EYS: variants seen among roughly 807,000 people sequenced by gnomAD.
EYS encodes EGF-like photoreceptor maintenance factor, also known as protein eyes shut homolog.
In EYS, 250 loss-of-function variants were observed where a neutral mutation model predicts 282.1. The ratio of observed to expected loss-of-function variants is 0.89; its 90% CI spans 0.80 to 0.98. The LOEUF (loss-of-function observed/expected upper bound fraction) is 0.98, where lower values mean the gene tolerates loss of function less well. Among genes scored for constraint, EYS ranks in the 50% least tolerant of loss-of-function variants. The pLI is 0.00. For missense variants in EYS, 4,016 were observed against 3,709.0 expected, an observed-to-expected ratio of 1.08 and a Z score of -2.15; for synonymous variants, 1,355 against 1,282.9, an observed-to-expected ratio of 1.06 and a Z score of -1.20.
chr6:64,602,244 G>T (rs1210152623), intron 24 of EYS, among the ~76,000 whole-genome samples: 3 of 151,970 alleles, frequency 2.0e-5, no homozygotes, highest in African/African-American at 7.2e-5. Context: ...ATTAGTGTTT[G>T]TTGAATGAAT....
intron 26 of EYS, among the ~76,000 whole-genome samples, chr6:64,453,054 C>T (rs1019503726): frequency 2.0e-5 from 3 of 152,106 alleles, no homozygotes; most frequent in African/African-American, 4.8e-5. Context: ...AAAGAAACCA[C>T]CATCAGAGTG....
At chr6:64,245,680 C>G (rs2150345659) in intron 30 of EYS, among the ~76,000 whole-genome samples, 1 of 152,186 alleles carries the variant, frequency 6.6e-6, no homozygotes, top group South Asian at 2.1e-4. Context: ...AATGCTTTAT[C>G]ATTTTTCACT....
At chr6:65,370,579 A>G (rs370825234) in intron 8 of EYS, among the ~76,000 whole-genome samples, 2 of 151,778 alleles carry the variant, frequency 1.3e-5, no homozygotes, top group East Asian at 3.9e-4. Context: ...ATATTTTTTG[A>G]CATAAAACCA....
intron 2 of EYS, among the ~76,000 whole-genome samples, chr6:65,507,677 T>C (rs1766706829): frequency 6.6e-6 from 1 of 152,172 alleles, no homozygotes; most frequent in Admixed American, 6.6e-5. Flanking sequence ...TGATATATTT[T>C]CAAGCCCACT....
In EYS at chr6:65,527,362, C is replaced by T. The variant is rs575974580; in HGVS notation, c.-332-31369G>A. 7.9e-5 allele frequency among the ~76,000 whole-genome samples: 12 copies of T among 152,274 alleles called. 1 individual carries two copies. The highest frequency in any genetic ancestry group is 2.9e-4 in the African/African-American group (12 of 41,550). On this transcript the variant is annotated intron_variant, in intron 2 of 42. Coordinates refer to ENST00000503581, the MANE Select transcript of EYS (RefSeq NM_001142800.2). ...ACGTATGGGTTGGTTTATGGTAGCA[C>T]TATTGAAAACTGCACATCTTCTTCA...
intron 19 of EYS, among the ~76,000 whole-genome samples, chr6:64,832,689 T>TGG (rs1765260598): frequency 6.6e-6 from 1 of 151,918 alleles, no homozygotes; most frequent in East Asian, 1.9e-4. Context: ...ATCTTGATTT[T>TGG]GGTGACAGTA....
intron 16 of EYS, among the ~76,000 whole-genome samples, chr6:64,905,923 C>T (rs1210957857): frequency 6.6e-6 from 1 of 151,792 alleles, no homozygotes; most frequent in Non-Finnish European, 1.5e-5. Flanking sequence ...AGTTAAAAAT[C>T]ATATATTTTT....
intron 19 of EYS, among the ~76,000 whole-genome samples, chr6:64,826,299 A>G (rs1243996668): frequency 1.3e-5 from 2 of 151,982 alleles, no homozygotes; most frequent in East Asian, 3.9e-4. Context: ...TATGTCTAAC[A>G]TATTGTTCTT....
At chr6:65,662,388 T>C (rs1768036584) in intron 1 of EYS, among the ~76,000 whole-genome samples, 3 of 152,182 alleles carry the variant, frequency 2.0e-5, no homozygotes, top group South Asian at 4.1e-4. Flanking sequence ...GAGCTTGATA[T>C]ATATTTTTTC....
At chr6:64,939,962 C>T (rs982916640) in intron 15 of EYS, among the ~76,000 whole-genome samples, 1 of 151,982 alleles carries the variant, frequency 6.6e-6, no homozygotes, top group Non-Finnish European at 1.5e-5. Context: ...AAAAGACTAA[C>T]AAAACAATCC....
chr6:64,920,390 G>T (rs890959812), intron 15 of EYS, among the ~76,000 whole-genome samples: 1 of 152,126 alleles, frequency 6.6e-6, no homozygotes, highest in Admixed American at 6.5e-5. Flanking sequence ...CCTAGTTTAA[G>T]TTACTGTCTT....
At chr6:65,661,966 A>T (rs1429609597) in intron 1 of EYS, among the ~76,000 whole-genome samples, 2 of 152,118 alleles carry the variant, frequency 1.3e-5, no homozygotes, top group Non-Finnish European at 2.9e-5. Context: ...GAAGGAGGTT[A>T]CTTAAAAGGC....
intron 22 of EYS, among the ~76,000 whole-genome samples, chr6:64,731,286 A>G (rs1362256956): frequency 2.0e-5 from 3 of 152,170 alleles, no homozygotes; most frequent in African/African-American, 7.2e-5. Flanking sequence ...TATGGGATCT[A>G]ATTAAACTAA....
intron 11 of EYS, among the ~76,000 whole-genome samples, chr6:65,318,518 C>A (rs12193047): frequency 0.046 from 6,596 of 143,590 alleles, 126 homozygotes; most frequent in South Asian, 0.086. Context: ...CACCACTGAT[C>A]CTGGTTATAT....
intron 26 of EYS, among the ~76,000 whole-genome samples, chr6:64,583,120 T>C (rs1395085186): frequency 6.6e-6 from 1 of 152,174 alleles, no homozygotes; most frequent in Non-Finnish European, 1.5e-5. Context: ...GAGTGACTTT[T>C]AATGTAGTAA....
chr6:64,110,428 C>G (rs948324709), intron 31 of EYS, among the ~76,000 whole-genome samples: 4 of 151,624 alleles, frequency 2.6e-5, no homozygotes, highest in Non-Finnish European at 5.9e-5. Flanking sequence ...GTGGATGACT[C>G]TGTGTGTGTG....
At chr6:65,578,574 G>A (rs1241315052) in intron 2 of EYS, among the ~76,000 whole-genome samples, 1 of 151,562 alleles carries the variant, frequency 6.6e-6, no homozygotes, top group Non-Finnish European at 1.5e-5. Flanking sequence ...CTTAAAAATT[G>A]CAAAGCAATA....
In EYS at chr6:64,995,441, A is replaced by T. The variant is rs565597037; in HGVS notation, c.2259+2141T>A. On this transcript the variant is annotated intron_variant, in intron 14 of 42. Coordinates refer to ENST00000503581, the MANE Select transcript of EYS (RefSeq NM_001142800.2). ...CAGTTTTTCTGAGTTCTTCTTATAC[A>T]TTATCAAACCTGAGGGTAGTCTTTA... is the stretch of plus-strand genomic sequence containing the variant. 1.9e-3 allele frequency among the ~76,000 whole-genome samples: 282 copies of T among 152,198 alleles called. 2 individuals are homozygous for T. The highest frequency in any genetic ancestry group is 6.7e-3 in the African/African-American group (278 of 41,536).
At chr6:64,547,788 G>A (rs752776003) in intron 26 of EYS, among the ~76,000 whole-genome samples, 1 of 152,186 alleles carries the variant, frequency 6.6e-6, no homozygotes, top group Non-Finnish European at 1.5e-5. Flanking sequence ...GGCGTTGGTC[G>A]GGGCGGCTCG....
Sources: allele counts gnomAD v4.1 joint callset (sites outside exome capture counted in the v4.1 genomes callset), GRCh38; gene constraint gnomAD v4.1.1; transcripts MANE v1.5; gene names NCBI Gene and HGNC (gene_info 2026-07-23, HGNC 2026-07-21).